LARGE1: variants seen among roughly 807,000 people sequenced by gnomAD.
LARGE1 encodes the protein LARGE xylosyl- and glucuronyltransferase 1.
A neutral mutation model predicts 87.6 loss-of-function variants in LARGE1; 43 were observed. The ratio of observed to expected loss-of-function variants is 0.49; its 90% CI spans 0.38 to 0.63. The LOEUF (loss-of-function observed/expected upper bound fraction) is 0.63. Ranked by LOEUF, LARGE1 falls within the 30% of genes least tolerant of loss-of-function variation. The probability of loss-of-function intolerance (pLI) is 0.00; values close to 1 mark genes in which losing one functional copy is unlikely to be tolerated. For synonymous variants in LARGE1, 434 were observed against 394.6 expected (o/e 1.10, Z -1.18); for missense variants, 802 against 1,000.2 (o/e 0.80, Z 2.67).
chr22:33,552,375 A>C (rs2077552393), intron 6 of LARGE1, among the ~76,000 whole-genome samples: 1 of 152,162 alleles, frequency 6.6e-6, no homozygotes, highest in Non-Finnish European at 1.5e-5. Context: ...TGCTTCCAGG[A>C]AACAGACAGT....
At chr22:33,278,364 C>T (rs1394814746) in intron 13 of LARGE1, among the ~76,000 whole-genome samples, 1 of 152,108 alleles carries the variant, frequency 6.6e-6, no homozygotes, top group Non-Finnish European at 1.5e-5. Flanking sequence ...GCAGAGAATC[C>T]AGTCATTCCA....
intron 2 of LARGE1, among the ~76,000 whole-genome samples, chr22:33,678,566 G>T (rs895576922): frequency 4.6e-5 from 7 of 152,280 alleles, no homozygotes; most frequent in South Asian, 2.1e-4. Context: ...CATTCTAGTG[G>T]TTCTTAGGAG....
At chr22:33,078,328 C>T in the LARGE1 span, among the ~76,000 whole-genome samples, 1 of 152,206 alleles carries the variant, frequency 6.6e-6, no homozygotes, top group Admixed American at 6.5e-5. Context: ...AGCTATAATA[C>T]ATCTTTAGCG....
intron 2 of LARGE1, among the ~76,000 whole-genome samples, chr22:33,709,026 G>A (rs1329640294): frequency 6.6e-6 from 1 of 152,130 alleles, no homozygotes; most frequent in African/African-American, 2.4e-5. Flanking sequence ...CAGTCGGATA[G>A]GACTAGGGCC....
intron 1 of LARGE1, among the ~76,000 whole-genome samples, chr22:33,785,304 TAC>T (rs1001904448): frequency 6.6e-6 from 1 of 151,978 alleles, no homozygotes; most frequent in African/African-American, 2.4e-5. Flanking sequence ...TGTATATATA[TAC>T]ACACACACCC....
intron 1 of LARGE1, among the ~76,000 whole-genome samples, chr22:33,901,253 G>C (rs1413205760): frequency 6.6e-6 from 1 of 152,042 alleles, no homozygotes; most frequent in Non-Finnish European, 1.5e-5. Context: ...GTGTGGTCCT[G>C]CTGACTCCTC....
rs187022032 is a variant in LARGE1, at chr22:33,615,360, G to A, written c.492-10802C>T. Among the ~76,000 whole-genome samples, 882 of 152,202 alleles carry A rather than the reference G, an allele frequency of 5.8e-3. 6 individuals are homozygous for A. The highest frequency in any genetic ancestry group is 9.2e-3 in the Non-Finnish European group (626 of 68,008). On this transcript the variant is annotated intron_variant, in intron 4 of 14. Transcript: ENST00000397394. ...GCCCACAGCTTGACATAATTACCTG[G>A]AAGTTAGGTACAGAGGCACTTAGAA...
At chr22:33,914,562 G>C (rs2065728964) in intron 1 of LARGE1, among the ~76,000 whole-genome samples, 1 of 152,192 alleles carries the variant, frequency 6.6e-6, no homozygotes, top group Non-Finnish European at 1.5e-5. Context: ...TAATAAGTTA[G>C]CTGGCAAGTC....
chr22:33,759,276 TC>T (rs2033390258), intron 2 of LARGE1, among the ~76,000 whole-genome samples: 1 of 152,210 alleles, frequency 6.6e-6, no homozygotes, highest in African/African-American at 2.4e-5. Context: ...AAATCAAAAT[TC>T]TACAACTTTC....
intron 1 of LARGE1, among the ~76,000 whole-genome samples, chr22:33,888,338 T>C (rs5754748): frequency 0.39 from 59,959 of 151,994 alleles, 13,786 homozygotes; most frequent in East Asian, 0.85. Context: ...AGAAACAAAC[T>C]CCTTCCTCCC....
In LARGE1 at chr22:33,784,871, TTATAC is replaced by T. The variant is rs1379709799; in HGVS notation, c.-82-23318_-82-23314del. Among the ~76,000 whole-genome samples the T allele has an allele frequency of 6.0e-5, 9 of 150,574 alleles. No homozygotes were observed. In the South Asian group the frequency reaches 1.7e-3, roughly 28 times the overall value. ...ATAGACAGTTTATATTTGTACGTAT[TTATAC>T]TATATTTGTACAGTATATATACTGT... On this transcript the variant is annotated intron_variant, in intron 1 of 14. Coordinates refer to ENST00000397394, the MANE Select transcript of LARGE1 (RefSeq NM_133642.5).
chr22:33,335,432 C>T (rs543136303), intron 10 of LARGE1, among the ~76,000 whole-genome samples: 13 of 152,270 alleles, frequency 8.5e-5, no homozygotes, highest in African/African-American at 1.4e-4. Context: ...AGAGCAGGGG[C>T]GCACTGTGAC....
At chr22:33,091,560 A>AAAT in the LARGE1 span, among the ~76,000 whole-genome samples, 1 of 3,748 alleles carries the variant, frequency 2.7e-4, no homozygotes, top group East Asian at 0.028. Flanking sequence ...ACTCCATCTC[A>AAAT]AATAAATAAA....
At chr22:33,125,320 T>C in the LARGE1 span, among the ~76,000 whole-genome samples, 1 of 152,170 alleles carries the variant, frequency 6.6e-6, no homozygotes, top group African/African-American at 2.4e-5. Context: ...GGTTAGGTGC[T>C]GGGTACACAT....
intron 2 of LARGE1, among the ~76,000 whole-genome samples, chr22:33,680,595 C>T (rs147955407): frequency 5.3e-5 from 8 of 152,284 alleles, no homozygotes; most frequent in Admixed American, 4.6e-4. Context: ...AAAACAACCT[C>T]AACAGTTGCA....
the LARGE1 span, among the ~76,000 whole-genome samples, chr22:33,133,340 C>T: frequency 4.6e-5 from 7 of 152,250 alleles, no homozygotes; most frequent in South Asian, 1.5e-3. Flanking sequence ...AGTCCCCTGC[C>T]CCTGACAGGC....
At chr22:33,794,097 C>A (rs554604626) in intron 1 of LARGE1, among the ~76,000 whole-genome samples, 6 of 152,102 alleles carry the variant, frequency 3.9e-5, no homozygotes, top group Admixed American at 2.0e-4. Flanking sequence ...AGATGGGATG[C>A]CCAACCCCCA....
intron 12 of LARGE1, among the ~76,000 whole-genome samples, chr22:33,285,863 G>A (rs1273219308): frequency 6.6e-6 from 1 of 152,108 alleles, no homozygotes; most frequent in Non-Finnish European, 1.5e-5. Flanking sequence ...TAATGAGGGG[G>A]AACCTGGATC....
intron 6 of LARGE1, among the ~76,000 whole-genome samples, chr22:33,541,078 G>GGGT (rs1569252354): frequency 2.6e-4 from 16 of 62,196 alleles, no homozygotes; most frequent in African/African-American, 3.7e-4. Context: ...CGGGGGGCGG[G>GGGT]TTGCAGGGGG....
Sources: gnomAD v4.1 joint callset for allele counts (sites outside exome capture counted in the v4.1 genomes callset) on GRCh38, gnomAD v4.1.1 for gene constraint, MANE v1.5 for transcripts, NCBI Gene and HGNC (gene_info 2026-07-23, HGNC 2026-07-21) for gene names.